Variants in UBAP1L observed in about 807,000 individuals in gnomAD.
UBAP1L encodes ubiquitin-associated protein 1-like.
UBAP1L carries 32 observed loss-of-function variants against 32.1 expected under a neutral mutation model. The observed-to-expected ratio is 1.00, with a 90% confidence interval of 0.75 to 1.34. The LOEUF (loss-of-function observed/expected upper bound fraction) is 1.34. Among genes scored for constraint, UBAP1L ranks in the 40% most tolerant of loss-of-function variants. The pLI is 0.00. For missense variants in UBAP1L, 516 were observed against 540.5 expected (o/e 0.95, Z 0.45); for synonymous variants, 243 against 250.2 (o/e 0.97, Z 0.27).
intron 2 of UBAP1L, chr15:65,104,991 G>T: frequency 4.7e-6 from 1 of 211,476 alleles, no homozygotes; most frequent in South Asian, 5.0e-5. Context: ...TGGTGACAGA[G>T]CGAGACTCTG....
At position 65,092,983 on chromosome 15, in the gene UBAP1L, C is replaced by T; in HGVS notation, c.*114G>A. The T allele has an allele frequency of 7.5e-7, 1 of 1,335,092 alleles. No homozygotes were observed. 82.7% of individuals were successfully genotyped at this position (1,335,092 alleles called of 1,614,324 possible). ...ACCCTTGGTATTATTTGTGTTTTTA[C>T]AATAAGTATGCATCACTTTGTTACT... On this transcript the variant is annotated 3_prime_UTR_variant, in exon 6 of 6. Transcript: ENST00000559089.
At chr15:65,110,699 A>G (rs1026507599) in intron 1 of UBAP1L, among the ~76,000 whole-genome samples, 17 of 149,332 alleles carry the variant, frequency 1.1e-4, no homozygotes, top group African/African-American at 4.0e-4. Flanking sequence ...AAAAAAAAAA[A>G]AAAGAAAAGA....
At chr15:65,107,008 A>C (rs921004924) in intron 1 of UBAP1L, among the ~76,000 whole-genome samples, 3 of 152,208 alleles carry the variant, frequency 2.0e-5, no homozygotes, top group African/African-American at 7.2e-5. Flanking sequence ...ATGAACACAG[A>C]TGCAAAAAAA....
In UBAP1L at chr15:65,094,504, T is replaced by C. The variant is rs764081191; in HGVS notation, c.982A>G (p.Met328Val). The C allele has an allele frequency of 1.3e-6, 2 of 1,551,390 alleles. No individual in the cohort carries two copies. Among genetic ancestry groups the C allele is most frequent in the South Asian group, 2.4e-5 (2 of 84,060 alleles). The change falls in exon 5 of 6, where the codon ATG becomes GTG. Residue 328 changes from methionine (M) to valine (V), a missense_variant. Met to Val is a conservative substitution (Grantham distance 21, BLOSUM62 1). Coordinates refer to ENST00000559089, the MANE Select transcript of UBAP1L (RefSeq NM_001163692.2). The surrounding 1 kb of genome is among the most constrained non-coding windows in gnomAD (Gnocchi z 4.2). ...CTCTCGGAGAACTGGAACATCTCCATGGCCTCATCCACCAGGCCTTCCTCA... is the reference window on the plus strand; with the variant it reads ...CTCTCGGAGAACTGGAACATCTCCACGGCCTCATCCACCAGGCCTTCCTCA... ...GYEEGLVDEA[M>V]EMFQFSESQA...
intron 1 of UBAP1L, among the ~76,000 whole-genome samples, chr15:65,111,958 A>G (rs550229253): frequency 2.0e-5 from 3 of 152,192 alleles, no homozygotes; most frequent in African/African-American, 4.8e-5. Flanking sequence ...GCCTGGCCCT[A>G]TATCTCTTAA....
chr15:65,098,693 G>A (rs1370207848), intron 4 of UBAP1L: 1 of 152,174 alleles, frequency 6.6e-6, no homozygotes, highest in Non-Finnish European at 1.5e-5. Context: ...CAGTGAATGA[G>A]GCCATCTTAG....
chr15:65,102,532 G>A lies in UBAP1L; in HGVS notation c.273C>T (p.Pro91=). The change falls in exon 3 of 6, where the codon CCC becomes CCT. Residue 91 remains proline, a synonymous_variant. Coordinates refer to ENST00000559089, the MANE Select transcript of UBAP1L (RefSeq NM_001163692.2). The surrounding 1 kb of genome is among the most constrained non-coding windows in gnomAD (Gnocchi z 5.0). ...VSPEHGLAPA[P]TTIRDPEAGH... ...CGGCCTCCGGGTCTCTGATTGTGGT[G>A]GGCGCAGGCGCCAGCCCATGTTCGG... 1 of 1,502,852 alleles carries A rather than the reference G, an allele frequency of 6.7e-7. No homozygotes were observed. The highest frequency in any genetic ancestry group is 8.9e-7 in the Non-Finnish European group (1 of 1,125,226). The allele number at this position is 1,502,852 out of a possible 1,614,324, so 93.1% of individuals were successfully genotyped here.
chr15:65,107,503 C>T (rs186774970), intron 1 of UBAP1L, among the ~76,000 whole-genome samples: 2 of 151,770 alleles, frequency 1.3e-5, no homozygotes, highest in East Asian at 1.9e-4. Flanking sequence ...TTGGGGAAGT[C>T]GAGGTGGGAG....
At chr15:65,109,987 G>A (rs991722610) in intron 1 of UBAP1L, among the ~76,000 whole-genome samples, 3 of 152,038 alleles carry the variant, frequency 2.0e-5, no homozygotes, top group Admixed American at 6.5e-5. Context: ...TCTGTCCTTC[G>A]TTTAGCAATA....
intron 3 of UBAP1L, chr15:65,101,479 G>C (rs1319387670): frequency 6.6e-6 from 1 of 152,308 alleles, no homozygotes; most frequent in Non-Finnish European, 1.5e-5. Context: ...TCAGCCTATT[G>C]CAGCCCTGAC....
chr15:65,110,612 G>A (rs895861818), intron 1 of UBAP1L, among the ~76,000 whole-genome samples: 2 of 149,924 alleles, frequency 1.3e-5, no homozygotes, highest in South Asian at 2.1e-4. Flanking sequence ...TTGAACCCAG[G>A]AGGCGGAGGT....
Position 65,099,668 on chromosome 15 carries a change from T to A in UBAP1L, c.746A>T (p.Gln249Leu). ...TCLPPLGGAP[Q>L]PLNPHKSHPD... Reference sequence around the variant, plus strand: ...GTGTGACTTGTGGGGGTTGAGAGGTTGGGGTGCCCCCCCAAGAGGTGGCAG... The same window carrying A: ...GTGTGACTTGTGGGGGTTGAGAGGTAGGGGTGCCCCCCCAAGAGGTGGCAG... The change falls in exon 4 of 6, where the codon CAA (glutamine) becomes CTA (leucine). Residue 249 changes from glutamine (Q) to leucine (L), a missense_variant. Gln to Leu is a moderately radical substitution (Grantham distance 113, BLOSUM62 -2). Transcript: ENST00000559089. 1 of 1,551,312 alleles carries A rather than the reference T, an allele frequency of 6.4e-7. No individual in the cohort carries two copies. The highest frequency in any genetic ancestry group is 8.7e-7 in the Non-Finnish European group (1 of 1,146,800).
chr15:65,106,344 G>T lies in UBAP1L; in HGVS notation c.-129C>A. 1 of 1,147,552 alleles carries T rather than the reference G, an allele frequency of 8.7e-7. No homozygotes were observed. Among genetic ancestry groups the T allele is most frequent in the Non-Finnish European group, 1.2e-6 (1 of 852,928 alleles). 71.1% of individuals were successfully genotyped at this position (1,147,552 alleles called of 1,614,324 possible). On this transcript the variant is annotated 5_prime_UTR_variant, in exon 2 of 6. Coordinates refer to ENST00000559089, the MANE Select transcript of UBAP1L (RefSeq NM_001163692.2). ...CACTGCTCTCCTGTGTGGTCACTTA[G>T]CTGAGCCCCAAACAGCTGGAAAGGA...
chr15:65,101,765 A>G (rs1462466384), intron 3 of UBAP1L: 1 of 180,106 alleles, frequency 5.6e-6, no homozygotes, highest in African/African-American at 2.4e-5. Context: ...TGCTCTGGAA[A>G]CAAAAATCAG....
chr15:65,105,908 C>T, intron 2 of UBAP1L, 188 bp downstream of exon 2: 1 of 789,152 alleles, frequency 1.3e-6, no homozygotes, highest in South Asian at 1.6e-5. Context: ...CTCATGCCTC[C>T]ACCTTCCGAG....
chr15:65,109,206 C>T (rs1450105672), intron 1 of UBAP1L, among the ~76,000 whole-genome samples: 3 of 148,612 alleles, frequency 2.0e-5, no homozygotes, highest in Non-Finnish European at 3.0e-5. Context: ...TCCATTTGGC[C>T]GGGCGTGGTG....
chr15:65,095,089 G>A (rs1262526610), intron 4 of UBAP1L: 1 of 155,722 alleles, frequency 6.4e-6, no homozygotes, highest in Non-Finnish European at 1.4e-5. Context: ...GAAGGGGTGT[G>A]GGGTAGGCAA....
At chr15:65,112,763 T>G (rs576505621) in intron 1 of UBAP1L, among the ~76,000 whole-genome samples, 1 of 152,148 alleles carries the variant, frequency 6.6e-6, no homozygotes, top group Non-Finnish European at 1.5e-5. Flanking sequence ...GTGAACTGAT[T>G]TTTCCCTTCC....
intron 1 of UBAP1L, among the ~76,000 whole-genome samples, chr15:65,106,975 AG>A (rs2087319950): frequency 6.6e-6 from 1 of 152,186 alleles, no homozygotes. Flanking sequence ...AAACTTGATA[AG>A]AAAATTAGAA....
Sources: gnomAD v4.1 joint callset for allele counts (sites outside exome capture counted in the v4.1 genomes callset) on GRCh38, gnomAD v4.1.1 for gene constraint, Gnocchi (gnomAD v3.1) non-coding constraint, MANE v1.5 for transcripts, NCBI Gene and HGNC (gene_info 2026-07-23, HGNC 2026-07-21) for gene names.